The following ADGRG1 variants were observed in gnomAD, a reference collection of about 807,000 sequenced individuals.
ADGRG1 encodes the protein adhesion G protein-coupled receptor G1.
A neutral mutation model predicts 73.5 loss-of-function variants in ADGRG1; 53 were observed. The observed-to-expected ratio is 0.72, with a 90% CI of 0.58 to 0.91. ADGRG1 has a LOEUF of 0.91. ADGRG1 is among the 40% of genes least tolerant of loss of function. The probability of loss-of-function intolerance (pLI) is 0.00; values close to 1 mark genes in which losing one functional copy is unlikely to be tolerated. For synonymous variants in ADGRG1, 394 were observed against 374.4 expected (o/e 1.05, Z -0.60); for missense variants, 795 against 871.8 (o/e 0.91, Z 1.11).
At chr16:57,653,899 T>A in intron 4 of ADGRG1, 87 bp from the exon 5 acceptor site, 1 of 1,596,658 alleles carries the variant, frequency 6.3e-7, no homozygotes, top group Non-Finnish European at 8.5e-7. Flanking sequence ...CCTGTGTCTC[T>A]GTCTGAGTCT....
At chr16:57,649,812 C>G (rs1344143360) in intron 1 of ADGRG1, among the ~76,000 whole-genome samples, 1 of 151,998 alleles carries the variant, frequency 6.6e-6, no homozygotes, top group African/African-American at 2.4e-5. Context: ...GGGTCTCACT[C>G]TGTCACCCAG....
At position 57,628,931 on chromosome 16, in the gene ADGRG1, TGA is replaced by T. The variant is rs1233352190; in HGVS notation, c.-36+131_-36+132del. 4.5e-5 allele frequency: 32 copies of T among 709,934 alleles called. 2 individuals are homozygous for T. In the South Asian group the frequency reaches 7.9e-4, roughly 17 times the overall value. The allele number at this position is 709,934 out of a possible 1,614,324, so 44.0% of individuals were successfully genotyped here. Reference sequence around the variant, plus strand: ...GAGTGTGTGAGAGTGAGTGTGAGTGTGAGTGTGAGCGTGAGAGTGTGAGAGTG... The same window carrying T: ...GAGTGTGTGAGAGTGAGTGTGAGTGTGTGTGAGCGTGAGAGTGTGAGAGTG... On this transcript the variant is annotated intron_variant, in intron 1 of 13. Transcript: ENST00000562631.
In ADGRG1 at chr16:57,659,537, G is replaced by C; in HGVS notation, c.1411G>C (p.Ala471Pro). 6.2e-7 allele frequency: 1 copy of C among 1,614,134 alleles called. No homozygotes were observed. The highest frequency in any genetic ancestry group is 8.5e-7 in the Non-Finnish European group (1 of 1,180,024). ...GACAGGCTCTGAGGCTGGCTGCCGA[G>C]CCAGTGCCATCTTCCTGCACTTCTC... ...ALTGSEAGCRASAIFLHFSLL... is the reference protein window; with the variant it reads ...ALTGSEAGCRPSAIFLHFSLL... Residue 471 changes from alanine to proline, a missense_variant, in exon 11 of 14, where the codon GCC becomes CCC. Transcript: ENST00000562631.
At chr16:57,620,536 C>T (rs1467011344), upstream of ADGRG1, among the ~76,000 whole-genome samples, 1 of 152,194 alleles carries the variant, frequency 6.6e-6, no homozygotes. Flanking sequence ...GAGCAGCTTC[C>T]TCCTGGGATC....
At chr16:57,646,783 G>C in intron 1 of ADGRG1, 1 of 867,868 alleles carries the variant, frequency 1.2e-6, no homozygotes, top group South Asian at 5.3e-5. Flanking sequence ...AATGGTAGCA[G>C]TGAGACCCGT....
In ADGRG1 at chr16:57,656,003, G is replaced by A. The variant is rs199806423; in HGVS notation, c.1017+11G>A. 161 of 1,613,902 alleles carry A rather than the reference G, an allele frequency of 1.0e-4. 1 individual carries two copies. The Middle Eastern group carries it at 1.0e-3, about 10-fold the overall frequency. On this transcript the variant is annotated intron_variant, in intron 7 of 13. Transcript: ENST00000562631. ...CACCAGCTACAGCCGGTGAGTGGGG[G>A]CCAGCCATCAAGAGAACAAGCGCCC...
At chr16:57,641,772 C>T in intron 1 of ADGRG1, 1 of 169,494 alleles carries the variant, frequency 5.9e-6, no homozygotes, top group Non-Finnish European at 1.2e-5. Flanking sequence ...ACTGTGTTGG[C>T]CAGACTGGTC....
Position 57,653,175 on chromosome 16 carries a change from G to A in ADGRG1, c.488-28G>A, listed in dbSNP as rs770618206. On this transcript the variant is annotated intron_variant, in intron 3 of 13. Transcript: ENST00000562631. ...TCCTGGGACCTGAATCGGCAGCCTC[G>A]GCGGGGGCCTGTCCACCCCTCCCCC... 14 of 1,603,348 alleles carry A rather than the reference G, an allele frequency of 8.7e-6. No individual in the cohort carries two copies. In the African/African-American group the frequency reaches 1.2e-4, roughly 14 times the overall value.
intron 10 of ADGRG1, 120 bp from the exon 11 acceptor site, chr16:57,659,293 T>A: frequency 4.4e-6 from 7 of 1,577,040 alleles, no homozygotes; most frequent in Non-Finnish European, 6.0e-6. Flanking sequence ...AGGGGCCATG[T>A]ATGACTGCAT....
chr16:57,658,030 C>G (rs1314139606), intron 10 of ADGRG1, among the ~76,000 whole-genome samples: 2 of 152,214 alleles, frequency 1.3e-5, no homozygotes, highest in Non-Finnish European at 2.9e-5. Flanking sequence ...GCATGAGTCA[C>G]TGTGCCAGGC....
In ADGRG1 at chr16:57,653,255, A is replaced by G. The variant is rs767256896; in HGVS notation, c.540A>G (p.Lys180=). 3.7e-6 allele frequency: 6 copies of G among 1,612,812 alleles called. No homozygotes were observed. In the East Asian group the frequency reaches 1.3e-4, roughly 36 times the overall value. ...HNASVDMCEL[K]RDLQLLSQFL... ...CCTCGGTGGACATGTGCGAGCTCAAAAGGGACCTCCAGCTGCTCAGCCAGT... is the reference window on the plus strand; with the variant it reads ...CCTCGGTGGACATGTGCGAGCTCAAGAGGGACCTCCAGCTGCTCAGCCAGT... The change falls in exon 4 of 14, where the codon AAA becomes AAG. Residue 180 remains lysine, a synonymous_variant. Transcript: ENST00000562631.
chr16:57,633,023 C>T, intron 1 of ADGRG1: 1 of 879,650 alleles, frequency 1.1e-6, no homozygotes, highest in Non-Finnish European at 1.4e-6. Flanking sequence ...CCCCAGGTCT[C>T]TGTCCTCCTA....
chr16:57,653,353 G>A lies in ADGRG1; in HGVS notation c.620+18G>A, dbSNP rs765269086. Reference sequence around the variant, plus strand: ...GCCAGCCAGTAAGTTTGGCACCTGGGGCTGTGAGGGGAGGCAGGAAGGCAT... The same window carrying A: ...GCCAGCCAGTAAGTTTGGCACCTGGAGCTGTGAGGGGAGGCAGGAAGGCAT... On this transcript the variant is annotated intron_variant, in intron 4 of 13. Coordinates refer to ENST00000562631, the MANE Select transcript of ADGRG1 (RefSeq NM_201525.4). The A allele has an allele frequency of 1.2e-6, 2 of 1,605,470 alleles. No individual in the cohort carries two copies. The highest frequency in any genetic ancestry group is 1.7e-6 in the Non-Finnish European group (2 of 1,179,878).
At chr16:57,642,677 T>C in intron 1 of ADGRG1, 1 of 982,124 alleles carries the variant, frequency 1.0e-6, no homozygotes, top group Non-Finnish European at 1.2e-6. Context: ...TGAAAGTGCT[T>C]TGGCAAGTTA....
chr16:57,663,299 GTGCTCGC>G (rs1184841738), intron 13 of ADGRG1, 146 bp from the exon 14 acceptor site: 1 of 984,762 alleles, frequency 1.0e-6, no homozygotes, highest in East Asian at 1.1e-4. Context: ...CTCATAGGAG[GTGCTCGC>G]TGGGTCTCAT....
At chr16:57,663,271 A>T (rs534362417) in intron 13 of ADGRG1, 181 bp from the exon 14 acceptor site, 1 of 956,394 alleles carries the variant, frequency 1.0e-6, no homozygotes, top group African/African-American at 1.8e-5. Flanking sequence ...CCACACGGGG[A>T]CGCAGCACAG....
upstream of ADGRG1, chr16:57,627,817 G>T (rs1346851579): frequency 5.1e-6 from 5 of 985,312 alleles, no homozygotes; most frequent in Non-Finnish European, 2.4e-6. Flanking sequence ...AACCCCAGCA[G>T]CGGGAGGTGC....
At chr16:57,623,610 G>A (rs758174968), upstream of ADGRG1, among the ~76,000 whole-genome samples, 1 of 152,232 alleles carries the variant, frequency 6.6e-6, no homozygotes, top group Non-Finnish European at 1.5e-5. Flanking sequence ...CCCGCATCTT[G>A]GCTAGGCCAG....
intron 12 of ADGRG1, chr16:57,661,185 C>A: frequency 1.6e-6 from 1 of 631,730 alleles, no homozygotes; most frequent in South Asian, 7.0e-5. Context: ...CAGCACCTCT[C>A]TGTCTCCCCA....
Sources: gnomAD v4.1 joint callset for allele counts (sites outside exome capture counted in the v4.1 genomes callset) on GRCh38, gnomAD v4.1.1 for gene constraint, MANE v1.5 for transcripts, NCBI Gene and HGNC (gene_info 2026-07-23, HGNC 2026-07-21) for gene names.